The following TMEM156 variants were observed in gnomAD, a reference collection of about 807,000 sequenced individuals.
The protein encoded by TMEM156 is transmembrane protein 156.
A neutral mutation model predicts 30.5 loss-of-function variants in TMEM156; 28 were observed. That is an observed-to-expected ratio of 0.92 (90% CI 0.68 to 1.26). TMEM156 has a LOEUF of 1.26. Among genes scored for constraint, TMEM156 ranks in the 50% most tolerant of loss-of-function variants. The pLI, the probability that TMEM156 is intolerant of heterozygous loss-of-function variation, is 0.00. For synonymous variants in TMEM156, 137 were observed against 119.9 expected (o/e 1.14, Z -0.93); for missense variants, 351 against 340.6 (o/e 1.03, Z -0.24).
At chr4:39,018,377 T>C (rs891869311) in intron 1 of TMEM156, among the ~76,000 whole-genome samples, 6 of 152,250 alleles carry the variant, frequency 3.9e-5, no homozygotes, top group Non-Finnish European at 8.8e-5. Flanking sequence ...ATGCATCTAA[T>C]ATTTTCAGGA....
chr4:38,982,271 G>A (rs1354826973), intron 5 of TMEM156, among the ~76,000 whole-genome samples: 1 of 152,150 alleles, frequency 6.6e-6, no homozygotes, highest in Non-Finnish European at 1.5e-5. Flanking sequence ...TCCTCAGCTT[G>A]CAGATGGCCT....
intron 5 of TMEM156, among the ~76,000 whole-genome samples, chr4:38,982,187 T>C (rs1386238614): frequency 1.3e-5 from 2 of 152,210 alleles, no homozygotes; most frequent in Non-Finnish European, 2.9e-5. Flanking sequence ...TCTTTCTCCA[T>C]GCTGGATGCT....
intron 2 of TMEM156, among the ~76,000 whole-genome samples, chr4:38,994,527 T>C (rs760918679): frequency 1.3e-5 from 2 of 152,136 alleles, no homozygotes; most frequent in Non-Finnish European, 2.9e-5. Context: ...ATACACACAT[T>C]TCCCCAGTGA....
intron 1 of TMEM156, among the ~76,000 whole-genome samples, chr4:39,025,076 C>T (rs2566150): frequency 0.21 from 31,179 of 151,876 alleles, 4,325 homozygotes; most frequent in African/African-American, 0.4. Flanking sequence ...AGGCCGGGTG[C>T]GGTGGCTCAT....
At chr4:39,014,406 A>G (rs901584778) in intron 1 of TMEM156, among the ~76,000 whole-genome samples, 3 of 152,208 alleles carry the variant, frequency 2.0e-5, no homozygotes, top group Non-Finnish European at 4.4e-5. Context: ...CATCTTCTCC[A>G]GTTTCTGTAG....
intron 5 of TMEM156, among the ~76,000 whole-genome samples, chr4:38,978,231 A>G (rs193143379): frequency 7.2e-5 from 11 of 152,124 alleles, no homozygotes; most frequent in Non-Finnish European, 1.6e-4. Context: ...GCTACATTTT[A>G]TATGGTTATT....
At chr4:38,969,384 C>T (rs548336154) in intron 6 of TMEM156, among the ~76,000 whole-genome samples, 16 of 152,310 alleles carry the variant, frequency 1.1e-4, no homozygotes, top group African/African-American at 3.4e-4. Flanking sequence ...GACCTCCAGT[C>T]CCATCCAAGT....
At chr4:39,014,817 T>A (rs554709424) in intron 1 of TMEM156, among the ~76,000 whole-genome samples, 13 of 152,016 alleles carry the variant, frequency 8.6e-5, no homozygotes, top group Admixed American at 2.0e-4. Flanking sequence ...CATCTTTTTT[T>A]AAAAAAGAAA....
chr4:38,979,658 A>C (rs958375419), intron 5 of TMEM156, among the ~76,000 whole-genome samples: 3 of 152,208 alleles, frequency 2.0e-5, no homozygotes, highest in Admixed American at 6.5e-5. Context: ...TGGGAGATGC[A>C]GCCATCATGA....
intron 5 of TMEM156, among the ~76,000 whole-genome samples, chr4:38,975,225 C>T (rs1280500668): frequency 6.6e-6 from 1 of 152,124 alleles, no homozygotes; most frequent in African/African-American, 2.4e-5. Context: ...TCCTGCTCTC[C>T]TCCACACACA....
intron 6 of TMEM156, among the ~76,000 whole-genome samples, chr4:38,968,208 T>C (rs1334461062): frequency 2.0e-5 from 3 of 152,260 alleles, no homozygotes; most frequent in Non-Finnish European, 4.4e-5. Context: ...GTTTATTTTC[T>C]ATATCTATCA....
intron 1 of TMEM156, among the ~76,000 whole-genome samples, chr4:39,027,545 C>T (rs936614625): frequency 1.4e-5 from 2 of 138,448 alleles, no homozygotes; most frequent in African/African-American, 2.6e-5. Context: ...TTCATCTATA[C>T]TATTCCTTTT....
chr4:39,021,591 C>T (rs868606333), intron 1 of TMEM156, among the ~76,000 whole-genome samples: 3 of 151,870 alleles, frequency 2.0e-5, no homozygotes, highest in South Asian at 4.1e-4. Flanking sequence ...TCTCTCATTC[C>T]GTAAGTTTCT....
At chr4:38,993,598 C>T (rs574170921) in intron 3 of TMEM156, 140 bp downstream of exon 3, 1 of 728,846 alleles carries the variant, frequency 1.4e-6, no homozygotes. Context: ...GATAAATAGA[C>T]TAACATTCTT....
At chr4:39,026,824 G>T (rs920016691) in intron 1 of TMEM156, among the ~76,000 whole-genome samples, 1 of 152,104 alleles carries the variant, frequency 6.6e-6, no homozygotes, top group South Asian at 2.1e-4. Flanking sequence ...CTACTCGGGA[G>T]GCTGAGGCAG....
Position 39,032,340 on chromosome 4 carries a change from C to A in TMEM156, c.-27G>T. ...TCTCTTCACATGACACAAATGTGTT[C>A]CCTTGCAGTACATTCATGGTATGTT... On this transcript the variant is annotated 5_prime_UTR_variant, in exon 1 of 7. Transcript: ENST00000381938. 2 of 1,408,254 alleles carry A rather than the reference C, an allele frequency of 1.4e-6. No homozygotes were observed. Among genetic ancestry groups the A allele is most frequent in the Non-Finnish European group, 2.0e-6 (2 of 1,000,214 alleles). The allele number at this position is 1,408,254 out of a possible 1,614,324, so 87.2% of individuals were successfully genotyped here.
intron 3 of TMEM156, among the ~76,000 whole-genome samples, chr4:38,989,266 A>G (rs1712242243): frequency 6.6e-6 from 1 of 152,228 alleles, no homozygotes; most frequent in Non-Finnish European, 1.5e-5. Context: ...CCTCGCTGTA[A>G]CTAAGGTAAG....
At chr4:39,015,059 C>T (rs1714389902) in intron 1 of TMEM156, among the ~76,000 whole-genome samples, 1 of 152,114 alleles carries the variant, frequency 6.6e-6, no homozygotes, top group African/African-American at 2.4e-5. Flanking sequence ...AGATATGTGT[C>T]TTTGTGTTTC....
intron 5 of TMEM156, among the ~76,000 whole-genome samples, chr4:38,983,030 G>A (rs1224533979): frequency 6.6e-6 from 1 of 152,130 alleles, no homozygotes; most frequent in Non-Finnish European, 1.5e-5. Flanking sequence ...CTTGGAGCTT[G>A]CAATCCTGAG....
Sources: allele counts gnomAD v4.1 joint callset (sites outside exome capture counted in the v4.1 genomes callset), GRCh38; gene constraint gnomAD v4.1.1; transcripts MANE v1.5; gene names NCBI Gene and HGNC (gene_info 2026-07-23, HGNC 2026-07-21).